GALNT10: variants seen among roughly 807,000 people sequenced by gnomAD.
GALNT10 encodes the protein polypeptide N-acetylgalactosaminyltransferase 10.
GALNT10 carries 41 observed loss-of-function variants against 75.0 expected under a neutral mutation model. That is an observed-to-expected ratio of 0.55 (90% confidence interval 0.43 to 0.71). The LOEUF (loss-of-function observed/expected upper bound fraction) is 0.71, where lower values mean the gene tolerates loss of function less well. Ranked by LOEUF, GALNT10 falls within the 30% of genes least tolerant of loss-of-function variation. The pLI is 0.00. For synonymous variants in GALNT10, 302 were observed against 313.0 expected, an observed-to-expected ratio of 0.96 and a Z score of 0.37; for missense variants, 727 against 818.5, an observed-to-expected ratio of 0.89 and a Z score of 1.36.
intron 1 of GALNT10, among the ~76,000 whole-genome samples, chr5:154,206,884 C>G (rs1048562560): frequency 3.3e-5 from 5 of 152,202 alleles, no homozygotes; most frequent in Non-Finnish European, 4.4e-5. Flanking sequence ...AAGGTAACTA[C>G]GGCAACGCAG....
At chr5:154,317,594 C>A (rs1057163528) in intron 3 of GALNT10, among the ~76,000 whole-genome samples, 4 of 152,192 alleles carry the variant, frequency 2.6e-5, no homozygotes, top group African/African-American at 9.7e-5. Flanking sequence ...CTGCCCACTT[C>A]AGATCAGAGG....
intron 1 of GALNT10, among the ~76,000 whole-genome samples, chr5:154,234,249 C>T (rs562234386): frequency 6.6e-6 from 1 of 152,126 alleles, no homozygotes; most frequent in African/African-American, 2.4e-5. Flanking sequence ...CCCCACCTGC[C>T]AAAGCATCAA....
At chr5:154,327,227 A>AT (rs1754768744) in intron 3 of GALNT10, among the ~76,000 whole-genome samples, 1 of 151,694 alleles carries the variant, frequency 6.6e-6, no homozygotes, top group Non-Finnish European at 1.5e-5. Flanking sequence ...AAAAAATAAA[A>AT]AATAAAATAT....
chr5:154,218,146 T>G, intron 1 of GALNT10: 1 of 985,220 alleles, frequency 1.0e-6, no homozygotes, highest in Non-Finnish European at 1.2e-6. Context: ...GTGGGCATTT[T>G]CAGGTGGGGA....
At chr5:154,347,941 G>C (rs1301633433) in intron 4 of GALNT10, among the ~76,000 whole-genome samples, 1 of 152,262 alleles carries the variant, frequency 6.6e-6, no homozygotes, top group East Asian at 1.9e-4. Flanking sequence ...AGATCCTAAG[G>C]GGGTGGCTCA....
intron 1 of GALNT10, among the ~76,000 whole-genome samples, chr5:154,259,368 A>G (rs943018765): frequency 2.6e-5 from 4 of 152,204 alleles, no homozygotes; most frequent in Non-Finnish European, 5.9e-5. Context: ...GCATCATATC[A>G]GGGCATAGTC....
At position 154,329,655 on chromosome 5, in the gene GALNT10, T is replaced by G; in HGVS notation, c.485T>G (p.Leu162Arg). 1 of 1,613,310 alleles carries G rather than the reference T, an allele frequency of 6.2e-7. No individual in the cohort carries two copies. Among genetic ancestry groups the G allele is most frequent in the Non-Finnish European group, 8.5e-7 (1 of 1,179,312 alleles). Residue 162 changes from leucine (L) to arginine (R), a missense_variant, in exon 4 of 12, where the codon CTC becomes CGC. By Grantham distance (102) the Leu-to-Arg change is moderately radical. Coordinates refer to ENST00000297107, the MANE Select transcript of GALNT10 (RefSeq NM_198321.4). ...CACAACGAGGGCTGGTCCTCCCTCC[T>G]CCGCACCGTCCACAGTGTGCTCAAT... The part of the protein sequence containing the change: ...PFHNEGWSSL[L>R]RTVHSVLNRS...
intron 1 of GALNT10, among the ~76,000 whole-genome samples, chr5:154,252,952 T>C (rs1320425043): frequency 1.3e-5 from 2 of 150,770 alleles, no homozygotes; most frequent in Admixed American, 6.6e-5. Context: ...CTTTCACTTA[T>C]TTGGGGCATT....
rs911854655 is a variant in GALNT10 at position 154,352,324 on chromosome 5, C to T, written c.568+22586C>T. 2.0e-5 allele frequency among the ~76,000 whole-genome samples: 3 copies of T among 152,174 alleles called. No homozygotes were observed. Among genetic ancestry groups the T allele is most frequent in the Non-Finnish European group, 4.4e-5 (3 of 68,034 alleles). On this transcript the variant is annotated intron_variant, in intron 4 of 11. Coordinates refer to ENST00000297107, the MANE Select transcript of GALNT10 (RefSeq NM_198321.4). This position sits in a 1 kb window ranked among gnomAD's most constrained non-coding sequence, Gnocchi z 4.4. Reference sequence around the variant, plus strand: ...TGGGAATAACTGAGTGCTGACAGCCCCTCTGCAAGTGGACATAAAGTTCAC... The same window carrying T: ...TGGGAATAACTGAGTGCTGACAGCCTCTCTGCAAGTGGACATAAAGTTCAC...
At chr5:154,207,232 GGAA>G (rs1419801804) in intron 1 of GALNT10, among the ~76,000 whole-genome samples, 2 of 152,186 alleles carry the variant, frequency 1.3e-5, no homozygotes, top group African/African-American at 4.8e-5. Flanking sequence ...ACATATTGAA[GGAA>G]GAAGAACTGC....
At chr5:154,198,134 C>T (rs1202810002) in intron 1 of GALNT10, among the ~76,000 whole-genome samples, 2 of 152,188 alleles carry the variant, frequency 1.3e-5, no homozygotes, top group East Asian at 1.9e-4. Context: ...CTCCTGTCTC[C>T]GTTCCTCTTG....
chr5:154,279,384 A>G (rs1326792928), intron 1 of GALNT10, among the ~76,000 whole-genome samples: 2 of 146,670 alleles, frequency 1.4e-5, no homozygotes, highest in South Asian at 2.2e-4. Context: ...GCTCACCACA[A>G]CCTCCGCCTC....
At chr5:154,291,983 G>A (rs941620443) in intron 1 of GALNT10, among the ~76,000 whole-genome samples, 8 of 152,194 alleles carry the variant, frequency 5.3e-5, no homozygotes, top group African/African-American at 1.9e-4. Flanking sequence ...TTCAAGAGAA[G>A]CCAAAAATCT....
chr5:154,332,850 G>T (rs1754887992), intron 4 of GALNT10, among the ~76,000 whole-genome samples: 1 of 152,194 alleles, frequency 6.6e-6, no homozygotes, highest in South Asian at 2.1e-4. Flanking sequence ...AGCACCAGCT[G>T]CCCTGGGGTT....
At chr5:154,339,756 C>T (rs778444261) in intron 4 of GALNT10, among the ~76,000 whole-genome samples, 17 of 152,296 alleles carry the variant, frequency 1.1e-4, no homozygotes, top group African/African-American at 2.4e-4. Flanking sequence ...TGGTAAATCA[C>T]GGATATTCTC....
At chr5:154,340,257 A>G (rs560370209) in intron 4 of GALNT10, among the ~76,000 whole-genome samples, 1 of 152,320 alleles carries the variant, frequency 6.6e-6, no homozygotes, top group Non-Finnish European at 1.5e-5. Context: ...AGTGATAGCA[A>G]TAATAATAAT....
chr5:154,367,532 G>A (rs1755495033), intron 4 of GALNT10, among the ~76,000 whole-genome samples: 1 of 152,126 alleles, frequency 6.6e-6, no homozygotes, highest in African/African-American at 2.4e-5. Context: ...GCTGGGGTAG[G>A]GGGCAGAATA....
At chr5:154,276,761 G>C (rs1418803585) in intron 1 of GALNT10, among the ~76,000 whole-genome samples, 2 of 152,188 alleles carry the variant, frequency 1.3e-5, no homozygotes, top group Admixed American at 1.3e-4. Context: ...CTTCCAAAAA[G>C]AGAGAGGCAG....
intron 1 of GALNT10, among the ~76,000 whole-genome samples, chr5:154,225,973 G>C (rs1753057755): frequency 6.6e-6 from 1 of 151,952 alleles, no homozygotes; most frequent in Admixed American, 6.6e-5. Context: ...TCACACACCG[G>C]GGCCTGTTGT....
Sources: gnomAD v4.1 joint callset for allele counts (sites outside exome capture counted in the v4.1 genomes callset) on GRCh38, gnomAD v4.1.1 for gene constraint, Gnocchi (gnomAD v3.1) non-coding constraint, MANE v1.5 for transcripts, NCBI Gene and HGNC (gene_info 2026-07-23, HGNC 2026-07-21) for gene names.